The following ASPH variants were observed in gnomAD, a reference collection of about 807,000 sequenced individuals.
ASPH encodes aspartate beta-hydroxylase.
In ASPH, 100 loss-of-function variants were observed where a neutral mutation model predicts 118.4. The ratio of observed to expected loss-of-function variants is 0.84; its 90% confidence interval spans 0.72 to 1.00. The LOEUF (loss-of-function observed/expected upper bound fraction) is 1.00, where lower values mean the gene tolerates loss of function less well. Ranked by LOEUF, ASPH falls within the 50% of genes least tolerant of loss-of-function variation. The pLI, the probability that ASPH is intolerant of heterozygous loss-of-function variation, is 0.00. For missense variants in ASPH, 920 were observed against 919.5 expected (o/e 1.00, Z -0.01); for synonymous variants, 315 against 325.6 (o/e 0.97, Z 0.35).
intron 10 of ASPH, among the ~76,000 whole-genome samples, chr8:61,640,448 G>A (rs371787515): frequency 1.3e-5 from 2 of 152,094 alleles, no homozygotes; most frequent in Admixed American, 6.5e-5. Context: ...GCAAGTTCAC[G>A]TCAGAGACCT....
chr8:61,579,333 C>A, intron 15 of ASPH: 15 of 1,614,176 alleles, frequency 9.3e-6, no homozygotes, highest in Non-Finnish European at 1.3e-5. Flanking sequence ...ACGGCAGCTG[C>A]GTGAGTACCA....
intron 3 of ASPH, chr8:61,664,548 G>C (rs1588898206): frequency 1.0e-6 from 1 of 985,344 alleles, no homozygotes; most frequent in South Asian, 4.7e-5. Flanking sequence ...ATGGGAGAAG[G>C]GTGAGGTTGT....
intron 1 of ASPH, among the ~76,000 whole-genome samples, chr8:61,695,831 A>T (rs1445393485): frequency 6.6e-6 from 1 of 152,256 alleles, no homozygotes; most frequent in Non-Finnish European, 1.5e-5. Context: ...ATATGGTATG[A>T]GTAATCAAAC....
chr8:61,551,139 T>C (rs895313891), intron 20 of ASPH, among the ~76,000 whole-genome samples: 4 of 152,202 alleles, frequency 2.6e-5, no homozygotes, highest in Non-Finnish European at 5.9e-5. Context: ...TTGGAAGTTA[T>C]GGGAATACCG....
At chr8:61,581,028 T>C (rs1837357637) in intron 15 of ASPH, among the ~76,000 whole-genome samples, 1 of 152,190 alleles carries the variant, frequency 6.6e-6, no homozygotes, top group Non-Finnish European at 1.5e-5. Context: ...ACTTAAAACA[T>C]AAGAATAACA....
intron 3 of ASPH, chr8:61,675,794 C>T (rs980710977): frequency 3.1e-5 from 38 of 1,209,862 alleles, no homozygotes; most frequent in Middle Eastern, 3.3e-4. Context: ...TGAAACAAAA[C>T]GATACAGAAA....
chr8:61,542,522 C>T (rs1434627998), intron 21 of ASPH, among the ~76,000 whole-genome samples: 1 of 152,138 alleles, frequency 6.6e-6, no homozygotes. Flanking sequence ...TCCCCTTCCT[C>T]CTTTGCACTA....
At chr8:61,712,561 G>A (rs1838302607) in intron 1 of ASPH, among the ~76,000 whole-genome samples, 1 of 152,136 alleles carries the variant, frequency 6.6e-6, no homozygotes, top group South Asian at 2.1e-4. Flanking sequence ...GACTATTAGA[G>A]AATCAACGTG....
At chr8:61,581,743 C>T (rs922221798) in intron 15 of ASPH, among the ~76,000 whole-genome samples, 4 of 152,186 alleles carry the variant, frequency 2.6e-5, no homozygotes, top group Admixed American at 2.6e-4. Context: ...ATTTTCTTTA[C>T]TCCCTCCCCA....
chr8:61,626,181 GT>G (rs1852718018), intron 13 of ASPH: 4 of 1,385,234 alleles, frequency 2.9e-6, no homozygotes, highest in Non-Finnish European at 3.8e-6. Flanking sequence ...GATCTGCTCA[GT>G]AATTGCTTCA....
intron 2 of ASPH, 102 bp from the exon 3 acceptor site, chr8:61,681,138 C>A: frequency 1.2e-6 from 1 of 848,098 alleles, no homozygotes; most frequent in Non-Finnish European, 1.7e-6. Flanking sequence ...ATAAATGTTA[C>A]CAATTAATAC....
chr8:61,505,635 G>A (rs558486689), intron 24 of ASPH, among the ~76,000 whole-genome samples: 31 of 152,062 alleles, frequency 2.0e-4, no homozygotes, highest in African/African-American at 7.5e-4. Context: ...GCATGAAAAC[G>A]GACTAATACA....
At chr8:61,619,104 C>A (rs890985070) in intron 13 of ASPH, 85 bp from the exon 14 acceptor site, 1 of 961,064 alleles carries the variant, frequency 1.0e-6, no homozygotes, top group African/African-American at 1.7e-5. Flanking sequence ...TAAATGAATT[C>A]AATAAGTATA....
intron 21 of ASPH, among the ~76,000 whole-genome samples, chr8:61,535,926 C>T (rs184730090): frequency 9.9e-5 from 15 of 152,238 alleles, no homozygotes; most frequent in African/African-American, 3.1e-4. Flanking sequence ...CTAACAACAC[C>T]GCTAAGGAAA....
At chr8:61,608,529 A>T (rs1270543529) in intron 14 of ASPH, among the ~76,000 whole-genome samples, 1 of 152,204 alleles carries the variant, frequency 6.6e-6, no homozygotes, top group African/African-American at 2.4e-5. Context: ...TTCATACTAC[A>T]GGTTCAGCTT....
At chr8:61,615,717 C>T (rs1280410487) in intron 14 of ASPH, among the ~76,000 whole-genome samples, 1 of 152,146 alleles carries the variant, frequency 6.6e-6, no homozygotes, top group Non-Finnish European at 1.5e-5. Flanking sequence ...AAACTGATAT[C>T]GCAATTTTAT....
chr8:61,521,798 T>C (rs1229731636), intron 22 of ASPH, among the ~76,000 whole-genome samples: 1 of 152,244 alleles, frequency 6.6e-6, no homozygotes, highest in East Asian at 1.9e-4. Context: ...TTATCACTTC[T>C]TACACATGAA....
chr8:61,706,476 GAAGAAAGAAGAAAGAAGAAAA>G (rs926742540), intron 1 of ASPH, among the ~76,000 whole-genome samples: 11 of 142,680 alleles, frequency 7.7e-5, no homozygotes, highest in African/African-American at 2.9e-4. Flanking sequence ...GGAAGAAGAA[GAAGAAAGAAGAAAGAAGAAAA>G]AAGAAAGAAG....
At chr8:61,704,456 T>C (rs1265365400) in intron 1 of ASPH, among the ~76,000 whole-genome samples, 17 of 151,598 alleles carry the variant, frequency 1.1e-4, no homozygotes, top group Admixed American at 9.2e-4. Flanking sequence ...TAAAAGAGGA[T>C]AGCTTTGAGA....
Sources: allele counts gnomAD v4.1 joint callset (sites outside exome capture counted in the v4.1 genomes callset), GRCh38; gene constraint gnomAD v4.1.1; transcripts MANE v1.5; gene names NCBI Gene and HGNC (gene_info 2026-07-23, HGNC 2026-07-21).